The following NAA11 variants were observed in gnomAD, a reference collection of about 807,000 sequenced individuals.
NAA11 encodes N-alpha-acetyltransferase 11, NatA catalytic subunit.
Under a neutral mutation model 16.1 loss-of-function variants are expected in NAA11, and 15 were observed. The observed-to-expected ratio is 0.93, with a 90% CI of 0.62 to 1.44. The LOEUF (loss-of-function observed/expected upper bound fraction) is 1.44. Among genes scored for constraint, NAA11 ranks in the 40% most tolerant of loss-of-function variants. The pLI is 0.00. For missense variants in NAA11, 298 were observed against 291.3 expected, an observed-to-expected ratio of 1.02 and a Z score of -0.17; for synonymous variants, 122 against 112.4, an observed-to-expected ratio of 1.09 and a Z score of -0.54.
At chr4:79,234,897 T>C (rs1721538901) in intron 2 of NAA11, among the ~76,000 whole-genome samples, 1 of 152,164 alleles carries the variant, frequency 6.6e-6, no homozygotes, top group South Asian at 2.1e-4. Flanking sequence ...AAAGGATCTT[T>C]TTTTACCAGT....
chr4:79,231,559 GA>G (rs1286421401), intron 2 of NAA11, among the ~76,000 whole-genome samples: 2 of 151,830 alleles, frequency 1.3e-5, no homozygotes, highest in Admixed American at 6.6e-5. Flanking sequence ...CTTATACCTT[GA>G]AAAATTATAT....
intron 1 of NAA11, chr4:79,306,669 T>G (rs1157180761): frequency 6.6e-6 from 1 of 152,216 alleles, no homozygotes; most frequent in Non-Finnish European, 1.5e-5. Flanking sequence ...TGACATTGTG[T>G]CTGTTTCTTC....
intron 2 of NAA11, among the ~76,000 whole-genome samples, chr4:79,267,049 A>G (rs1475553389): frequency 1.6e-4 from 24 of 152,340 alleles, no homozygotes; most frequent in Non-Finnish European, 2.9e-4. Flanking sequence ...ATTTACCCAC[A>G]TTGTATCAAG....
chr4:79,215,812 A>G, the NAA11 span, among the ~76,000 whole-genome samples: 1 of 152,240 alleles, frequency 6.6e-6, no homozygotes, highest in African/African-American at 2.4e-5. Context: ...CTTATCTCAT[A>G]GAATTATTGA....
chr4:79,158,905 A>T, the NAA11 span, among the ~76,000 whole-genome samples: 1 of 151,932 alleles, frequency 6.6e-6, no homozygotes, highest in Non-Finnish European at 1.5e-5. Flanking sequence ...ATGATTGGCA[A>T]GTCACATGTA....
At chr4:79,219,734 A>G in the NAA11 span, among the ~76,000 whole-genome samples, 3 of 152,178 alleles carry the variant, frequency 2.0e-5, no homozygotes, top group Non-Finnish European at 2.9e-5. Context: ...ATATGTATAT[A>G]TACATTTTTT....
At chr4:79,322,865 A>T (rs907605511) in intron 1 of NAA11, among the ~76,000 whole-genome samples, 1 of 152,192 alleles carries the variant, frequency 6.6e-6, no homozygotes, top group Non-Finnish European at 1.5e-5. Flanking sequence ...CTCTGAGGAC[A>T]GATTCTTTCT....
At chr4:79,240,379 A>G (rs1425594688) in intron 2 of NAA11, among the ~76,000 whole-genome samples, 2 of 152,174 alleles carry the variant, frequency 1.3e-5, no homozygotes, top group African/African-American at 2.4e-5. Flanking sequence ...GTTCCATTTT[A>G]CAGGATGTAC....
chr4:79,295,639 CT>C (rs1397624830), intron 1 of NAA11, among the ~76,000 whole-genome samples: 1 of 152,104 alleles, frequency 6.6e-6, no homozygotes, highest in African/African-American at 2.4e-5. Flanking sequence ...AATTGTATTA[CT>C]TTAAAAAAGC....
At chr4:79,201,589 T>C in the NAA11 span, among the ~76,000 whole-genome samples, 3 of 151,704 alleles carry the variant, frequency 2.0e-5, no homozygotes, top group African/African-American at 7.2e-5. Context: ...CTGTCATATG[T>C]ATGTTTCAGT....
At chr4:79,302,527 TCA>T (rs1723422533) in intron 1 of NAA11, among the ~76,000 whole-genome samples, 1 of 152,206 alleles carries the variant, frequency 6.6e-6, no homozygotes, top group African/African-American at 2.4e-5. Flanking sequence ...TAACAAAGTC[TCA>T]TTTTTTTGTG....
At chr4:79,247,682 AC>A (rs1421892189) in intron 2 of NAA11, among the ~76,000 whole-genome samples, 1 of 152,104 alleles carries the variant, frequency 6.6e-6, no homozygotes, top group Non-Finnish European at 1.5e-5. Flanking sequence ...GGACAGAGAT[AC>A]TGGGTTGAAG....
At chr4:79,303,977 G>T (rs1213143004) in intron 1 of NAA11, among the ~76,000 whole-genome samples, 1 of 151,974 alleles carries the variant, frequency 6.6e-6, no homozygotes, top group Non-Finnish European at 1.5e-5. Flanking sequence ...AACTCATGTT[G>T]ATTCATTTTG....
intron 1 of NAA11, 34 bp downstream of exon 1, chr4:79,325,142 A>G (rs1358249433): frequency 6.6e-7 from 1 of 1,510,986 alleles, no homozygotes; most frequent in Non-Finnish European, 8.9e-7. Flanking sequence ...GGGATTTAGG[A>G]GAAGGGGGTA....
chr4:79,156,589 T>C, the NAA11 span, among the ~76,000 whole-genome samples: 1 of 152,182 alleles, frequency 6.6e-6, no homozygotes, highest in African/African-American at 2.4e-5. Flanking sequence ...ATTCTAATTA[T>C]GAAGGGCAAT....
intron 2 of NAA11, among the ~76,000 whole-genome samples, chr4:79,282,487 C>G (rs1426616942): frequency 1.3e-5 from 2 of 151,794 alleles, no homozygotes; most frequent in African/African-American, 4.8e-5. Flanking sequence ...GTGGAATTGA[C>G]AAGAATGGCT....
intron 2 of NAA11, among the ~76,000 whole-genome samples, chr4:79,283,859 C>G (rs1387572034): frequency 6.6e-6 from 1 of 152,024 alleles, no homozygotes; most frequent in African/African-American, 2.4e-5. Context: ...TGTGGAACCA[C>G]AGAACATATA....
intron 2 of NAA11, among the ~76,000 whole-genome samples, chr4:79,231,964 C>CAAT (rs1040428296): frequency 2.0e-5 from 3 of 151,242 alleles, no homozygotes; most frequent in Admixed American, 1.3e-4. Context: ...GATGTTTGAC[C>CAAT]AATACATGAA....
the NAA11 span, among the ~76,000 whole-genome samples, chr4:79,213,717 T>C: frequency 6.6e-6 from 1 of 152,316 alleles, no homozygotes; most frequent in East Asian, 1.9e-4. Context: ...TATTTTCTTT[T>C]TCAAGCTGGT....
Sources: gnomAD v4.1 joint callset for allele counts (sites outside exome capture counted in the v4.1 genomes callset) on GRCh38, gnomAD v4.1.1 for gene constraint, MANE v1.5 for transcripts, NCBI Gene and HGNC (gene_info 2026-07-23, HGNC 2026-07-21) for gene names.